LRP2: variants seen among roughly 807,000 people sequenced by gnomAD.
LRP2 encodes the protein LDL receptor related protein 2.
In LRP2, 172 loss-of-function variants were observed where a neutral mutation model predicts 531.0. The ratio of observed to expected loss-of-function variants is 0.32; its 90% CI spans 0.29 to 0.37. The LOEUF is 0.37. Among genes scored for constraint, LRP2 ranks in the 10% least tolerant of loss-of-function variants. The pLI is 1.00. For missense variants in LRP2, 5,167 were observed against 5,868.3 expected, an observed-to-expected ratio of 0.88 and a Z score of 3.90; for synonymous variants, 1,992 against 2,027.6, an observed-to-expected ratio of 0.98 and a Z score of 0.47.
intron 32 of LRP2, among the ~76,000 whole-genome samples, chr2:169,226,012 A>G (rs982810): frequency 0.51 from 77,885 of 152,004 alleles, 21,389 homozygotes; most frequent in African/African-American, 0.72. Context: ...TACTACTTTT[A>G]TCTTGAGTTT....
At chr2:169,324,795 A>G (rs2673177) in intron 1 of LRP2, among the ~76,000 whole-genome samples, 63,865 of 151,936 alleles carry the variant, frequency 0.42, 14,304 homozygotes, top group African/African-American at 0.59. Context: ...AAGGAACAAC[A>G]CTGGATTGAG....
At position 169,316,798 on chromosome 2, in the gene LRP2, C is replaced by T. The variant is rs559224930; in HGVS notation, c.310+1964G>A. On this transcript the variant is annotated intron_variant, in intron 3 of 78. Transcript: ENST00000649046. ...ATGAGAAAAGCTGCTCAGGGCAGGG[C>T]TCTGAGCAACACCAATACTCAAGGG... is the stretch of plus-strand genomic sequence containing the variant. 5.3e-5 allele frequency among the ~76,000 whole-genome samples: 8 copies of T among 152,158 alleles called. No individual in the cohort carries two copies. The East Asian group carries it at 1.2e-3, about 22-fold the overall frequency.
chr2:169,207,050 T>C lies in LRP2; in HGVS notation c.6670A>G (p.Asn2224Asp). 1.9e-6 allele frequency: 3 copies of C among 1,614,190 alleles called. No individual in the cohort carries two copies. Among genetic ancestry groups the C allele is most frequent in the Non-Finnish European group, 2.5e-6 (3 of 1,180,016 alleles). The change falls in exon 39 of 79, where the codon AAT becomes GAT. Residue 2224 changes from asparagine to aspartate, a missense_variant. Coordinates refer to ENST00000649046, the MANE Select transcript of LRP2 (RefSeq NM_004525.3). ...KIERSFLDCT[N>D]RTVLVSEGIV... Reference sequence around the variant, plus strand: ...CCCTCTGACACAAGCACTGTTCGATTGGTACAGTCAAGGAAAGAACGCTCA... The same window carrying C: ...CCCTCTGACACAAGCACTGTTCGATCGGTACAGTCAAGGAAAGAACGCTCA...
intron 10 of LRP2, among the ~76,000 whole-genome samples, chr2:169,281,644 G>C (rs1377368216): frequency 6.7e-6 from 1 of 149,456 alleles, no homozygotes; most frequent in Admixed American, 6.7e-5. Context: ...CCTGAACCCG[G>C]GAGGCGGAGG....
At chr2:169,213,041 ATTGT>A (rs1380148730) in intron 36 of LRP2, among the ~76,000 whole-genome samples, 1 of 152,200 alleles carries the variant, frequency 6.6e-6, no homozygotes, top group Non-Finnish European at 1.5e-5. Flanking sequence ...CAGGAAACAA[ATTGT>A]TTGATCATCT....
chr2:169,349,469 C>G (rs936022645), intron 1 of LRP2, among the ~76,000 whole-genome samples: 1 of 152,030 alleles, frequency 6.6e-6, no homozygotes, highest in African/African-American at 2.4e-5. Flanking sequence ...GATGTGAAGG[C>G]CAAATGGTTA....
At chr2:169,287,976 A>G (rs1465791778) in intron 9 of LRP2, among the ~76,000 whole-genome samples, 3 of 152,062 alleles carry the variant, frequency 2.0e-5, no homozygotes, top group East Asian at 1.9e-4. Flanking sequence ...AGAATACCTC[A>G]CATTTCTAAG....
chr2:169,185,970 G>A lies in LRP2; in HGVS notation c.9378C>T (p.Cys3126=), dbSNP rs776592084. Residue 3126 remains cysteine (C), a synonymous_variant, in exon 50 of 79, where the codon TGC becomes TGT. Transcript: ENST00000649046. ...AATAGAAACTGGTTAAGGTGTCTGTGCAGTTGTGATCGCAGCCACTGATTG... is the reference window on the plus strand; with the variant it reads ...AATAGAAACTGGTTAAGGTGTCTGTACAGTTGTGATCGCAGCCACTGATTG... ...DPSISGCDHN[C]TDTLTSFYCS... 1 of 1,613,984 alleles carries A rather than the reference G, an allele frequency of 6.2e-7. No homozygotes were observed. Among genetic ancestry groups the A allele is most frequent in the Non-Finnish European group, 8.5e-7 (1 of 1,179,966 alleles).
chr2:169,360,117 T>C (rs1559092119), intron 1 of LRP2, among the ~76,000 whole-genome samples: 1 of 104,812 alleles, frequency 9.5e-6, no homozygotes, highest in African/African-American at 3.9e-5. Flanking sequence ...AGAGCGAGAT[T>C]CTGTCTCTCT....
At chr2:169,244,666 A>G in intron 22 of LRP2, 27 bp downstream of exon 22, 8 of 1,614,194 alleles carry the variant, frequency 5.0e-6, no homozygotes, top group Non-Finnish European at 6.8e-6. Flanking sequence ...AGGCTGACCA[A>G]CCAAGGGAAA....
In LRP2 at chr2:169,185,962, G is replaced by A. The variant is rs761258219; in HGVS notation, c.9386C>T (p.Thr3129Ile). 5.6e-6 allele frequency: 9 copies of A among 1,613,936 alleles called. No individual in the cohort carries two copies. Among genetic ancestry groups the A allele is most frequent in the Non-Finnish European group, 7.6e-6 (9 of 1,179,942 alleles). ...ACAGGAACAATAGAAACTGGTTAAG[G>A]TGTCTGTGCAGTTGTGATCGCAGCC... ...ISGCDHNCTD[T>I]LTSFYCSCRP... Residue 3129 changes from threonine (T) to isoleucine (I), a missense_variant, in exon 50 of 79, where the codon ACC becomes ATC. Thr to Ile is a moderately conservative substitution (Grantham distance 89). Around this residue, in one of 6 missense-constraint regions of LRP2, gnomAD observed 1,129 missense variants for 1,362.7 expected, o/e 0.83. Transcript: ENST00000649046.
intron 31 of LRP2, among the ~76,000 whole-genome samples, chr2:169,229,747 C>G (rs762894298): frequency 7.2e-5 from 11 of 152,162 alleles, no homozygotes; most frequent in Non-Finnish European, 1.0e-4. Flanking sequence ...CTTCCAGAAA[C>G]TTGTGTGTTT....
intron 16 of LRP2, among the ~76,000 whole-genome samples, chr2:169,261,978 A>T (rs1414847813): frequency 6.7e-6 from 1 of 150,076 alleles, no homozygotes; most frequent in Non-Finnish European, 1.5e-5. Flanking sequence ...ATATAAACAG[A>T]GCCAAAGACA....
chr2:169,268,749 C>T (rs1317222800), intron 16 of LRP2, among the ~76,000 whole-genome samples: 1 of 152,088 alleles, frequency 6.6e-6, no homozygotes, highest in East Asian at 1.9e-4. Context: ...GAAGTTCTGG[C>T]CAGGGCAATT....
chr2:169,197,014 G>T lies in LRP2; in HGVS notation c.8595C>A (p.Ser2865Arg), dbSNP rs777222302. ...CAGATGCGCATTGGAACTCACTGCT[G>T]CTGCACGTGTGAGTGGCTGCAGGAG... Reference protein sequence around the residue: ...NPTYCTTHTCSSSEFQCASGR... With the variant: ...NPTYCTTHTCRSSEFQCASGR... The change falls in exon 46 of 79, where the codon AGC (serine) becomes AGA (arginine). Residue 2865 changes from serine to arginine, a missense_variant. By Grantham distance (110) the Ser-to-Arg change is moderately radical (BLOSUM62 -1). Around this residue, in one of 6 missense-constraint regions of LRP2, gnomAD observed 1,129 missense variants for 1,362.7 expected, o/e 0.83. Transcript: ENST00000649046. 1.1e-5 allele frequency: 17 copies of T among 1,613,990 alleles called. No homozygotes were observed. In the East Asian group the frequency reaches 3.8e-4, roughly 36 times the overall value.
chr2:169,236,481 T>C (rs936305582), intron 28 of LRP2, among the ~76,000 whole-genome samples: 23 of 152,322 alleles, frequency 1.5e-4, no homozygotes, highest in East Asian at 1.9e-4. Context: ...ATTTCAGTGG[T>C]GTGTAATACT....
At chr2:169,196,356 T>A (rs550367217) in intron 46 of LRP2, among the ~76,000 whole-genome samples, 10 of 152,332 alleles carry the variant, frequency 6.6e-5, no homozygotes, top group Admixed American at 1.3e-4. Context: ...AAAATGTGCA[T>A]GGATATAGAT....
In LRP2 at chr2:169,248,746, G is replaced by A. The variant is rs867903217; in HGVS notation, c.2771-1231C>T. Among the ~76,000 whole-genome samples the A allele has an allele frequency of 9.2e-4, 126 of 136,264 alleles. 9 individuals carry two copies. Among genetic ancestry groups the A allele is most frequent in the Middle Eastern group, 7.5e-3 (2 of 268 alleles). The allele number at this position is 136,264 out of a possible 152,430, so 89.4% of individuals were successfully genotyped here. On this transcript the variant is annotated intron_variant, in intron 19 of 78. Transcript: ENST00000649046. ...TACCGGGTTCATCTCACTAGGGAGT[G>A]CCAGACAGTGGGCGCAGGCCAGTGT... is the stretch of plus-strand genomic sequence containing the variant.
chr2:169,218,228 C>T (rs1334616473), intron 34 of LRP2, among the ~76,000 whole-genome samples: 1 of 152,180 alleles, frequency 6.6e-6, no homozygotes, highest in Admixed American at 6.6e-5. Flanking sequence ...TGTCTCCCAA[C>T]CCAACTGGGT....
Sources: gnomAD v4.1 joint callset for allele counts (sites outside exome capture counted in the v4.1 genomes callset) on GRCh38, gnomAD v4.1.1 for gene constraint, gnomAD v4.1.1 regional missense constraint, MANE v1.5 for transcripts, NCBI Gene and HGNC (gene_info 2026-07-23, HGNC 2026-07-21) for gene names.